PHACTR1: variants seen among roughly 807,000 people sequenced by gnomAD.
The protein encoded by PHACTR1 is phosphatase and actin regulator 1.
PHACTR1 carries 16 observed loss-of-function variants against 69.2 expected under a neutral mutation model. That is an observed-to-expected ratio of 0.23 (90% CI 0.16 to 0.35). PHACTR1 has a LOEUF of 0.35. PHACTR1 is among the 10% of genes least tolerant of loss of function. PHACTR1 has a pLI of 1.00. For synonymous variants in PHACTR1, 312 were observed against 284.5 expected (o/e 1.10, Z -0.97); for missense variants, 510 against 734.7 (o/e 0.69, Z 3.54).
intron 4 of PHACTR1, among the ~76,000 whole-genome samples, chr6:12,925,543 T>C (rs1788183026): frequency 6.6e-6 from 1 of 152,230 alleles, no homozygotes; most frequent in African/African-American, 2.4e-5. Flanking sequence ...ATAAAACTTC[T>C]AGCCCATAGA....
At chr6:12,851,821 T>G (rs1300817910) in intron 4 of PHACTR1, among the ~76,000 whole-genome samples, 3 of 151,974 alleles carry the variant, frequency 2.0e-5, no homozygotes, top group African/African-American at 7.2e-5. Flanking sequence ...CATTTTTATT[T>G]TATTATTTTA....
chr6:13,098,146 T>C (rs1814583737), intron 5 of PHACTR1, among the ~76,000 whole-genome samples: 1 of 152,234 alleles, frequency 6.6e-6, no homozygotes, highest in Non-Finnish European at 1.5e-5. Flanking sequence ...ACTAGTAGTT[T>C]CACCTCTCAT....
At chr6:13,220,354 ATC>A (rs1305320993) in intron 8 of PHACTR1, among the ~76,000 whole-genome samples, 3 of 152,246 alleles carry the variant, frequency 2.0e-5, no homozygotes, top group East Asian at 1.9e-4. Flanking sequence ...GCAGAAATTC[ATC>A]TGTTTTTCCC....
At chr6:13,134,864 T>C (rs561891356) in intron 5 of PHACTR1, among the ~76,000 whole-genome samples, 65 of 151,182 alleles carry the variant, frequency 4.3e-4, no homozygotes, top group African/African-American at 1.5e-3. Flanking sequence ...CTACGTCCAT[T>C]TCAGGGGCTG....
At chr6:12,758,779 A>G (rs536909450) in intron 4 of PHACTR1, among the ~76,000 whole-genome samples, 26 of 152,280 alleles carry the variant, frequency 1.7e-4, no homozygotes, top group Admixed American at 1.7e-3. Context: ...GGACATTGCT[A>G]AAGGAAAGAA....
At chr6:12,764,513 T>G (rs4285318) in intron 4 of PHACTR1, among the ~76,000 whole-genome samples, 10,454 of 152,234 alleles carry the variant, frequency 0.069, 440 homozygotes, top group Admixed American at 0.1. Context: ...AAAAACATTA[T>G]TATTTTTTCC....
At chr6:13,034,284 T>C (rs1802948190) in intron 4 of PHACTR1, among the ~76,000 whole-genome samples, 2 of 152,236 alleles carry the variant, frequency 1.3e-5, no homozygotes, top group African/African-American at 4.8e-5. Flanking sequence ...CCCAAAGTGC[T>C]GGGATTACAG....
At chr6:13,286,869 G>A (rs1452319543) in intron 14 of PHACTR1, among the ~76,000 whole-genome samples, 194 bp from the exon 15 acceptor site, 1 of 152,202 alleles carries the variant, frequency 6.6e-6, no homozygotes, top group Non-Finnish European at 1.5e-5. Flanking sequence ...GCAGGAGGTG[G>A]AGGCCACCAG....
At chr6:12,941,137 C>A (rs766419179) in intron 4 of PHACTR1, among the ~76,000 whole-genome samples, 5 of 152,128 alleles carry the variant, frequency 3.3e-5, no homozygotes, top group African/African-American at 1.2e-4. Flanking sequence ...GCACTCCACT[C>A]ACCTTTGTAG....
intron 10 of PHACTR1, among the ~76,000 whole-genome samples, chr6:13,271,565 C>G (rs1353363218): frequency 6.6e-6 from 1 of 152,168 alleles, no homozygotes; most frequent in Admixed American, 6.5e-5. Flanking sequence ...GCTCAAGTCC[C>G]TTGTATAAAA....
chr6:12,975,650 CT>C (rs1411880640), intron 4 of PHACTR1, among the ~76,000 whole-genome samples: 8 of 152,264 alleles, frequency 5.3e-5, no homozygotes, highest in African/African-American at 1.9e-4. Context: ...GTGTGATCAA[CT>C]GCTCACTGCA....
intron 4 of PHACTR1, among the ~76,000 whole-genome samples, chr6:12,820,316 G>T (rs529714903): frequency 6.6e-6 from 1 of 152,220 alleles, no homozygotes; most frequent in African/African-American, 2.4e-5. Context: ...AAGGAGCTGG[G>T]ACTACAGGCG....
intron 4 of PHACTR1, among the ~76,000 whole-genome samples, chr6:12,830,286 TCTA>T (rs2127726765): frequency 6.6e-6 from 1 of 151,664 alleles, no homozygotes; most frequent in East Asian, 1.9e-4. Context: ...AGACTCTTAC[TCTA>T]CTCCCTTAGT....
intron 4 of PHACTR1, among the ~76,000 whole-genome samples, chr6:12,784,537 AC>A (rs1237692292): frequency 6.6e-6 from 1 of 151,570 alleles, no homozygotes; most frequent in African/African-American, 2.4e-5. Flanking sequence ...CATGATATGT[AC>A]ATATACACAC....
chr6:12,944,204 G>A (rs900957504), intron 4 of PHACTR1, among the ~76,000 whole-genome samples: 10 of 152,158 alleles, frequency 6.6e-5, no homozygotes, highest in African/African-American at 1.9e-4. Flanking sequence ...GGCAATGATC[G>A]AGGGCATGCC....
At chr6:13,215,591 T>C (rs1386782390) in intron 8 of PHACTR1, among the ~76,000 whole-genome samples, 2 of 152,074 alleles carry the variant, frequency 1.3e-5, no homozygotes, top group Non-Finnish European at 2.9e-5. Flanking sequence ...TAATCAGATA[T>C]AAGGAAGAAC....
At chr6:13,023,398 A>C (rs1801261845) in intron 4 of PHACTR1, among the ~76,000 whole-genome samples, 1 of 152,222 alleles carries the variant, frequency 6.6e-6, no homozygotes, top group African/African-American at 2.4e-5. Flanking sequence ...TTCAATGTGA[A>C]CTTTAGAACA....
intron 5 of PHACTR1, among the ~76,000 whole-genome samples, chr6:13,144,281 A>G (rs1011836385): frequency 1.3e-5 from 2 of 152,328 alleles, no homozygotes; most frequent in East Asian, 3.9e-4. Context: ...TTATTTGTGA[A>G]TGACATAATT....
At chr6:13,244,915 T>C (rs1773385385) in intron 10 of PHACTR1, among the ~76,000 whole-genome samples, 1 of 152,228 alleles carries the variant, frequency 6.6e-6, no homozygotes, top group African/African-American at 2.4e-5. Context: ...GTGATAAGTG[T>C]CCATGAAATC....
Sources: gnomAD v4.1 joint callset for allele counts (sites outside exome capture counted in the v4.1 genomes callset) on GRCh38, gnomAD v4.1.1 for gene constraint, MANE v1.5 for transcripts, NCBI Gene and HGNC (gene_info 2026-07-23, HGNC 2026-07-21) for gene names.